Variants in BIRC6 observed in about 807,000 individuals in gnomAD.
BIRC6 encodes the protein baculoviral IAP repeat containing 6.
Under a neutral mutation model 503.3 loss-of-function variants are expected in BIRC6, and 98 were observed. The ratio of observed to expected loss-of-function variants is 0.19; its 90% confidence interval spans 0.17 to 0.23. The LOEUF (loss-of-function observed/expected upper bound fraction) is 0.23. Ranked by LOEUF, BIRC6 falls within the 10% of genes least tolerant of loss-of-function variation. The pLI is 1.00. For synonymous variants in BIRC6, 2,240 were observed against 2,078.7 expected (o/e 1.08, Z -2.11); for missense variants, 5,360 against 5,806.0 (o/e 0.92, Z 2.50).
intron 3 of BIRC6, among the ~76,000 whole-genome samples, chr2:32,385,295 T>C (rs1274111785): frequency 6.6e-6 from 1 of 152,212 alleles, no homozygotes; most frequent in Non-Finnish European, 1.5e-5. Context: ...GGAGACATTA[T>C]AGTGGGAGTA....
intron 46 of BIRC6, among the ~76,000 whole-genome samples, 199 bp downstream of exon 46, chr2:32,500,308 G>C (rs1206125985): frequency 6.6e-6 from 1 of 152,098 alleles, no homozygotes; most frequent in Admixed American, 6.6e-5. Context: ...CAAATGTCAT[G>C]TCAGTTTGGT....
chr2:32,470,167 G>T lies in BIRC6; in HGVS notation c.6348-1G>T. 2 of 1,514,812 alleles carry T rather than the reference G, an allele frequency of 1.3e-6. No individual in the cohort carries two copies. The highest frequency in any genetic ancestry group is 1.3e-5 in the South Asian group (1 of 76,370). The allele number at this position is 1,514,812 out of a possible 1,614,324, so 93.8% of individuals were successfully genotyped here. ...TTCTTTTTTGTTTGTTTTGTTTTTA[G>T]GGTCTTCATGTTACTTTCCTGCATT... On this transcript the variant is annotated splice_acceptor_variant, in intron 30 of 73. Transcript: ENST00000421745. LOFTEE classifies it high-confidence loss of function.
chr2:32,577,023 G>GCC (rs111937883), intron 66 of BIRC6, among the ~76,000 whole-genome samples: 2 of 151,066 alleles, frequency 1.3e-5, no homozygotes, highest in Non-Finnish European at 3.0e-5. Flanking sequence ...CTATCTTGTG[G>GCC]CCCCCCCCAG....
chr2:32,387,693 A>G (rs1407705046), intron 3 of BIRC6, among the ~76,000 whole-genome samples: 1 of 152,196 alleles, frequency 6.6e-6, no homozygotes, highest in Non-Finnish European at 1.5e-5. Context: ...GCTGAACTAA[A>G]TCCTCATATA....
At position 32,468,790 on chromosome 2, in the gene BIRC6, A is replaced by G; in HGVS notation, c.6127+7A>G. 1 of 1,563,178 alleles carries G rather than the reference A, an allele frequency of 6.4e-7. No homozygotes were observed. Among genetic ancestry groups the G allele is most frequent in the Non-Finnish European group, 8.7e-7 (1 of 1,146,692 alleles). ...CTGCTTCATGCTTCTAATGGTTTGT[A>G]TTTGGCTTACATATTTTAAAGGCTG... On this transcript the variant is annotated splice_region_variant and intron_variant, in intron 29 of 73. Coordinates refer to ENST00000421745, the MANE Select transcript of BIRC6 (RefSeq NM_016252.4).
intron 72 of BIRC6, among the ~76,000 whole-genome samples, chr2:32,609,605 A>G (rs1320196268): frequency 6.6e-6 from 1 of 152,126 alleles, no homozygotes; most frequent in Non-Finnish European, 1.5e-5. Context: ...GATAGCACTG[A>G]TGAATATTTC....
chr2:32,407,172 T>C (rs947327124), intron 9 of BIRC6, among the ~76,000 whole-genome samples: 6 of 152,064 alleles, frequency 3.9e-5, no homozygotes, highest in African/African-American at 1.4e-4. Context: ...TAGGCCAGGC[T>C]TGGTGGCTTA....
At chr2:32,505,237 G>C (rs899513362) in intron 50 of BIRC6, 32 bp downstream of exon 50, 1 of 1,476,298 alleles carries the variant, frequency 6.8e-7, no homozygotes. Flanking sequence ...AGCATCATGA[G>C]AACAAGCTTT....
chr2:32,586,263 A>G (rs548502083), intron 66 of BIRC6, among the ~76,000 whole-genome samples: 4 of 150,602 alleles, frequency 2.7e-5, no homozygotes, highest in Non-Finnish European at 5.9e-5. Flanking sequence ...AAAAAAAAAC[A>G]ACTTAAAAAA....
At chr2:32,610,857 C>G (rs537165820) in intron 72 of BIRC6, among the ~76,000 whole-genome samples, 1 of 151,878 alleles carries the variant, frequency 6.6e-6, no homozygotes, top group African/African-American at 2.4e-5. Context: ...CAACCTCTGC[C>G]TCCTGGGTTC....
intron 57 of BIRC6, among the ~76,000 whole-genome samples, chr2:32,523,913 A>T (rs2056006779): frequency 6.6e-6 from 1 of 152,136 alleles, no homozygotes; most frequent in African/African-American, 2.4e-5. Flanking sequence ...AATTCATGGC[A>T]TGTGCCTGTG....
intron 21 of BIRC6, among the ~76,000 whole-genome samples, chr2:32,448,321 G>A (rs1442105579): frequency 3.0e-5 from 4 of 135,414 alleles, no homozygotes; most frequent in Non-Finnish European, 4.7e-5. Flanking sequence ...GGTGGTTGTA[G>A]CGAGCCGAGA....
chr2:32,531,354 G>A lies in BIRC6; in HGVS notation c.12095-1G>A, dbSNP rs2056738921. ...TCAGTTATTTGTAATTTATTGTCTA[G>A]ATCATGGAGACTTACTTGCTAGCTG... is the stretch of plus-strand genomic sequence containing the variant. On this transcript the variant is annotated splice_acceptor_variant, in intron 60 of 73. Coordinates refer to ENST00000421745, the MANE Select transcript of BIRC6 (RefSeq NM_016252.4). LOFTEE classifies it high-confidence loss of function. 1 of 1,608,072 alleles carries A rather than the reference G, an allele frequency of 6.2e-7. No individual in the cohort carries two copies. Among genetic ancestry groups the A allele is most frequent in the Non-Finnish European group, 8.5e-7 (1 of 1,176,486 alleles).
At chr2:32,397,472 C>CG (rs2040028539) in intron 6 of BIRC6, among the ~76,000 whole-genome samples, 3 of 146,926 alleles carry the variant, frequency 2.0e-5, no homozygotes, top group African/African-American at 7.5e-5. Context: ...AACTCCATCT[C>CG]AAAAAAAAAG....
chr2:32,522,018 C>G (rs1227094151), intron 57 of BIRC6: 1 of 151,900 alleles, frequency 6.6e-6, no homozygotes, highest in African/African-American at 2.4e-5. Flanking sequence ...ATTACAGTTA[C>G]TTATTAGGCT....
chr2:32,452,235 A>G (rs1056447639), intron 22 of BIRC6, among the ~76,000 whole-genome samples: 2 of 152,220 alleles, frequency 1.3e-5, no homozygotes, highest in Admixed American at 6.5e-5. Flanking sequence ...GAATCCAAGT[A>G]TCCTCTGATA....
At position 32,597,824 on chromosome 2, in the gene BIRC6, G is replaced by A. The variant is rs765590765; in HGVS notation, c.13686G>A (p.Gln4562=). 1.9e-6 allele frequency: 3 copies of A among 1,613,794 alleles called. No individual in the cohort carries two copies. The South Asian group carries it at 3.3e-5, about 18-fold the overall frequency. The change falls in exon 69 of 74, where the codon CAG becomes CAA. Residue 4562 remains glutamine (Q), a synonymous_variant. Transcript: ENST00000421745. ...GFKVNYHYMS[Q]VKNANDANSA... ...AAGTAAATTACCACTACATGTCTCA[G>A]GTGAAAAATGCTAATGATGCGAACA... is the stretch of plus-strand genomic sequence containing the variant.
At chr2:32,433,579 GATA>G in intron 12 of BIRC6, 62 bp from the exon 13 acceptor site, 1 of 1,359,228 alleles carries the variant, frequency 7.4e-7, no homozygotes, top group Non-Finnish European at 9.8e-7. Context: ...TGACCTTAAT[GATA>G]ATATGGTTGT....
chr2:32,489,030 A>AT lies in BIRC6; in HGVS notation c.8095+327dup, dbSNP rs569640806. On this transcript the variant is annotated intron_variant, in intron 42 of 73. Transcript: ENST00000421745. ...TGTAAAAGCAGGTCAGTTTTTTATT[A>AT]TTTTTTTTTTTCATTTTTTAAAACT... 1.6e-3 allele frequency among the ~76,000 whole-genome samples: 231 copies of AT among 144,988 alleles called. 1 individual carries two copies. Among genetic ancestry groups the AT allele is most frequent in the South Asian group, 0.014 (66 of 4,582 alleles).
Sources: allele counts gnomAD v4.1 joint callset (sites outside exome capture counted in the v4.1 genomes callset), GRCh38; gene constraint gnomAD v4.1.1; transcripts MANE v1.5; gene names NCBI Gene and HGNC (gene_info 2026-07-23, HGNC 2026-07-21).